Variants in XPO1 observed in about 807,000 individuals in gnomAD.
The protein encoded by XPO1 is exportin-1.
XPO1 carries 5 observed loss-of-function variants against 133.3 expected under a neutral mutation model. The ratio of observed to expected loss-of-function variants is 0.04; its 90% CI spans 0.02 to 0.08. The LOEUF (loss-of-function observed/expected upper bound fraction) is 0.08. Ranked by LOEUF, XPO1 falls within the 10% of genes least tolerant of loss-of-function variation. The pLI, the probability that XPO1 is intolerant of heterozygous loss-of-function variation, is 1.00. For missense variants in XPO1, 506 were observed against 1,267.5 expected (o/e 0.40, Z 9.12); for synonymous variants, 419 against 408.2 (o/e 1.03, Z -0.32).
intron 4 of XPO1, among the ~76,000 whole-genome samples, chr2:61,514,591 T>A (rs1698266315): frequency 7.3e-6 from 1 of 137,900 alleles, no homozygotes; most frequent in Non-Finnish European, 1.6e-5. Flanking sequence ...AGACTCTGTC[T>A]TTAAAAAAAA....
intron 9 of XPO1, 83 bp from the exon 10 acceptor site, chr2:61,497,090 G>C: frequency 2.0e-6 from 3 of 1,494,628 alleles, no homozygotes; most frequent in Non-Finnish European, 2.7e-6. Flanking sequence ...AAGGAAAAAG[G>C]CTTTAACAAT....
Position 61,478,985 on chromosome 2 carries a change from G to GAA in XPO1, c.3070-21_3070-20dup, listed in dbSNP as rs751428329. The GAA allele has an allele frequency of 6.2e-7, 1 of 1,605,462 alleles. No homozygotes were observed. On this transcript the variant is annotated intron_variant, in intron 24 of 24. Transcript: ENST00000401558. The stretch of plus-strand genomic sequence containing the variant: ...CAAATTCCTGTGAAAACAGATAGTT[G>GAA]AAATGTCAACGCAATAAACTTCAAC...
At chr2:61,518,822 G>C (rs1698542081) in intron 4 of XPO1, among the ~76,000 whole-genome samples, 1 of 152,100 alleles carries the variant, frequency 6.6e-6, no homozygotes, top group Admixed American at 6.5e-5. Context: ...TGAAAATCCA[G>C]AGAAATGTAA....
chr2:61,516,689 C>T (rs1050588115), intron 4 of XPO1, among the ~76,000 whole-genome samples: 4 of 152,018 alleles, frequency 2.6e-5, no homozygotes, highest in African/African-American at 9.7e-5. Context: ...GCTGGGATTA[C>T]AGGCATGAGC....
chr2:61,486,130 A>C (rs576910538), intron 19 of XPO1, among the ~76,000 whole-genome samples, 168 bp from the exon 20 acceptor site: 13 of 152,196 alleles, frequency 8.5e-5, no homozygotes, highest in South Asian at 2.1e-4. Flanking sequence ...TTAGCAAAAG[A>C]AAGCAGGAAA....
At chr2:61,508,313 G>A (rs377640694) in intron 4 of XPO1, among the ~76,000 whole-genome samples, 2 of 152,106 alleles carry the variant, frequency 1.3e-5, no homozygotes, top group South Asian at 2.1e-4. Context: ...ATACACACCC[G>A]TAGAAATGCC....
chr2:61,503,249 A>G (rs1017519131), intron 4 of XPO1, among the ~76,000 whole-genome samples: 3 of 150,614 alleles, frequency 2.0e-5, no homozygotes, highest in African/African-American at 7.3e-5. Flanking sequence ...GAGCTACTGC[A>G]CCCGGCCTTT....
chr2:61,495,272 GAACAT>G (rs1234447113), intron 11 of XPO1, among the ~76,000 whole-genome samples, 178 bp downstream of exon 11: 5 of 151,970 alleles, frequency 3.3e-5, no homozygotes, highest in African/African-American at 1.2e-4. Context: ...GCTTTATGGA[GAACAT>G]AAAATCAGAA....
In XPO1 at chr2:61,478,014, A is replaced by G; in HGVS notation, c.*806T>C. On this transcript the variant is annotated 3_prime_UTR_variant, in exon 25 of 25. Coordinates refer to ENST00000401558, the MANE Select transcript of XPO1 (RefSeq NM_003400.4). Reference sequence around the variant, plus strand: ...CTTGGTAAACAATGTAAATTAGTATAAGTCATCTCAAAAGCCAGAGTTGTT... The same window carrying G: ...CTTGGTAAACAATGTAAATTAGTATGAGTCATCTCAAAAGCCAGAGTTGTT... 4.3e-6 allele frequency: 1 copy of G among 232,486 alleles called. No homozygotes were observed. The highest frequency in any genetic ancestry group is 6.1e-5 in the East Asian group (1 of 16,436). The allele number at this position is 232,486 out of a possible 1,614,324, so 14.4% of individuals were successfully genotyped here.
At chr2:61,493,194 A>G (rs542040803) in intron 12 of XPO1, 141 bp from the exon 13 acceptor site, 47 of 824,822 alleles carry the variant, frequency 5.7e-5, no homozygotes, top group Non-Finnish European at 7.1e-5. Context: ...AATTCCAACT[A>G]TTCCGGAGGG....
rs1396930825 is a variant in XPO1 at position 61,522,552 on chromosome 2, C to G, written c.301+59G>C. 5 of 1,457,410 alleles carry G rather than the reference C, an allele frequency of 3.4e-6. No homozygotes were observed. In the African/African-American group the frequency reaches 7.0e-5, roughly 20 times the overall value. 90.3% of individuals were successfully genotyped at this position (1,457,410 alleles called of 1,614,324 possible). On this transcript the variant is annotated intron_variant, in intron 4 of 24. Transcript: ENST00000401558. ...ATTACATGCCCCCTCAAACAGTCAA[C>G]TACAATAAAAATGCCAGGAAAAACA... is the stretch of plus-strand genomic sequence containing the variant.
chr2:61,504,741 A>G (rs1049750247), intron 4 of XPO1, among the ~76,000 whole-genome samples: 3 of 152,230 alleles, frequency 2.0e-5, no homozygotes, highest in African/African-American at 7.2e-5. Flanking sequence ...GAGCTAATGT[A>G]TTAAATTCAC....
At chr2:61,497,502 C>A (rs372833915) in intron 9 of XPO1, among the ~76,000 whole-genome samples, 3 of 152,304 alleles carry the variant, frequency 2.0e-5, no homozygotes, top group Admixed American at 6.5e-5. Context: ...TGAGCCACAG[C>A]GCCCGGCCTA....
chr2:61,491,711 T>G (rs1192906231), intron 16 of XPO1, among the ~76,000 whole-genome samples: 2 of 152,002 alleles, frequency 1.3e-5, no homozygotes, highest in East Asian at 3.9e-4. Flanking sequence ...CTGGGCCACT[T>G]GGCAAAACCC....
chr2:61,495,215 G>T (rs183841427), intron 11 of XPO1, among the ~76,000 whole-genome samples: 10 of 152,112 alleles, frequency 6.6e-5, no homozygotes, highest in African/African-American at 1.9e-4. Flanking sequence ...CCTTAGAAAT[G>T]ATATAATAAT....
intron 2 of XPO1, 85 bp from the exon 3 acceptor site, chr2:61,526,606 C>T (rs968244361): frequency 1.0e-6 from 1 of 989,830 alleles, no homozygotes; most frequent in Non-Finnish European, 1.4e-6. Context: ...GAGCAAGGCA[C>T]AAATTCTAAT....
At chr2:61,511,668 G>A (rs1381632103) in intron 4 of XPO1, among the ~76,000 whole-genome samples, 4 of 152,084 alleles carry the variant, frequency 2.6e-5, no homozygotes, top group Admixed American at 2.6e-4. Context: ...CAAACTGCTG[G>A]GATTGCAGGC....
At chr2:61,490,250 G>A (rs1696911529) in intron 17 of XPO1, among the ~76,000 whole-genome samples, 1 of 147,120 alleles carries the variant, frequency 6.8e-6, no homozygotes, top group Non-Finnish European at 1.5e-5. Flanking sequence ...CTCGGCTAGA[G>A]AACAGTAGCT....
At chr2:61,528,508 C>CTA (rs1474985497) in intron 2 of XPO1, among the ~76,000 whole-genome samples, 1 of 151,628 alleles carries the variant, frequency 6.6e-6, no homozygotes. Flanking sequence ...TGGCGTGCGC[C>CTA]TATAGTCCCA....
Sources: gnomAD v4.1 joint callset for allele counts (sites outside exome capture counted in the v4.1 genomes callset) on GRCh38, gnomAD v4.1.1 for gene constraint, MANE v1.5 for transcripts, NCBI Gene and HGNC (gene_info 2026-07-23, HGNC 2026-07-21) for gene names.